Variants in CSMD1 observed in about 807,000 individuals in gnomAD.
The protein encoded by CSMD1 is CUB and sushi domain-containing protein 1.
A neutral mutation model predicts 417.5 loss-of-function variants in CSMD1; 213 were observed. The ratio of observed to expected loss-of-function variants is 0.51; its 90% CI spans 0.46 to 0.57. CSMD1 has a LOEUF of 0.57. CSMD1 is among the 20% of genes least tolerant of loss of function. The pLI, the probability that CSMD1 is intolerant of heterozygous loss-of-function variation, is 0.00. For synonymous variants in CSMD1, 2,862 were observed against 1,736.8 expected, an observed-to-expected ratio of 1.65 and a Z score of -16.11; for missense variants, 6,923 against 4,529.7, an observed-to-expected ratio of 1.53 and a Z score of -15.17.
intron 10 of CSMD1, among the ~76,000 whole-genome samples, chr8:3,544,172 A>T (rs776618624): frequency 9.9e-5 from 15 of 152,112 alleles, no homozygotes; most frequent in Non-Finnish European, 2.1e-4. Flanking sequence ...ATGTATTCCT[A>T]GCCTCTAGAG....
At chr8:4,325,458 AATCGT>A (rs1390452200) in intron 3 of CSMD1, among the ~76,000 whole-genome samples, 1 of 152,170 alleles carries the variant, frequency 6.6e-6, no homozygotes. Flanking sequence ...TTCATGTAAG[AATCGT>A]CTACTTTCAA....
At chr8:4,020,081 T>A (rs970182703) in intron 4 of CSMD1, among the ~76,000 whole-genome samples, 5 of 152,210 alleles carry the variant, frequency 3.3e-5, no homozygotes, top group African/African-American at 1.2e-4. Context: ...ACAGTAATTA[T>A]AGCAGCTGAT....
intron 3 of CSMD1, among the ~76,000 whole-genome samples, chr8:4,160,495 GT>G (rs1797090834): frequency 6.6e-6 from 1 of 152,124 alleles, no homozygotes; most frequent in Non-Finnish European, 1.5e-5. Flanking sequence ...CCGAACATCG[GT>G]TGAAAGTCAG....
intron 1 of CSMD1, among the ~76,000 whole-genome samples, chr8:4,826,593 C>A (rs185017771): frequency 3.9e-5 from 6 of 152,244 alleles, no homozygotes; most frequent in Admixed American, 2.6e-4. Flanking sequence ...CCTTAAACAA[C>A]TGATGGAAGA....
chr8:4,491,740 G>A (rs566760383), intron 2 of CSMD1, among the ~76,000 whole-genome samples: 6 of 152,130 alleles, frequency 3.9e-5, no homozygotes, highest in Non-Finnish European at 8.8e-5. Context: ...TTGAGGTTGT[G>A]GGGCAACAGG....
At position 3,201,697 on chromosome 8, in the gene CSMD1, C is replaced by T; in HGVS notation, c.5013G>A (p.Gln1671=). ...FVVFGQFAYF[Q]TALNDLAELF... ...ATTCTGCCAAATCATTCAGGGCTGT[C>T]TGGAAATAGGCAAACTGTCCAAAGA... The change falls in exon 32 of 70, where the codon CAG becomes CAA. Residue 1671 remains glutamine (Q), a synonymous_variant. Transcript: ENST00000635120. 2.5e-6 allele frequency: 4 copies of T among 1,603,106 alleles called. No individual in the cohort carries two copies. Among genetic ancestry groups the T allele is most frequent in the Non-Finnish European group, 3.4e-6 (4 of 1,174,562 alleles).
intron 3 of CSMD1, among the ~76,000 whole-genome samples, chr8:4,109,080 C>T (rs879169383): frequency 1.1e-4 from 17 of 152,120 alleles, no homozygotes; most frequent in African/African-American, 3.1e-4. Context: ...TGCATATAAC[C>T]GCATCCATTC....
At chr8:3,408,455 G>C (rs868058274) in intron 13 of CSMD1, among the ~76,000 whole-genome samples, 1 of 151,148 alleles carries the variant, frequency 6.6e-6, no homozygotes, top group Admixed American at 6.6e-5. Flanking sequence ...ACATAATCAA[G>C]CACAAGCGTG....
intron 5 of CSMD1, among the ~76,000 whole-genome samples, chr8:3,829,593 G>C (rs373597576): frequency 1.2e-4 from 19 of 152,244 alleles, no homozygotes; most frequent in African/African-American, 3.4e-4. Context: ...TTAGAATAAT[G>C]ATGGGCCCCT....
chr8:3,550,372 C>A (rs1414695783), intron 10 of CSMD1, among the ~76,000 whole-genome samples: 1 of 152,182 alleles, frequency 6.6e-6, no homozygotes, highest in Non-Finnish European at 1.5e-5. Context: ...CCGCCTGGAC[C>A]AATCTTCCTC....
chr8:3,647,022 T>C (rs1363571223), intron 7 of CSMD1, among the ~76,000 whole-genome samples: 1 of 152,208 alleles, frequency 6.6e-6, no homozygotes, highest in Non-Finnish European at 1.5e-5. Flanking sequence ...AGCAGCTCTT[T>C]CCTGCCACTT....
intron 20 of CSMD1, among the ~76,000 whole-genome samples, chr8:3,360,687 A>G (rs530139214): frequency 3.3e-4 from 51 of 152,332 alleles, no homozygotes; most frequent in African/African-American, 1.2e-3. Context: ...CGTGGGGAAG[A>G]AACGTTTAGA....
intron 32 of CSMD1, 100 bp from the exon 33 acceptor site, chr8:3,199,909 T>G (rs1796903837): frequency 6.0e-6 from 4 of 668,100 alleles, no homozygotes; most frequent in Non-Finnish European, 1.0e-5. Context: ...CACATTTATT[T>G]TTTGAACTTT....
intron 2 of CSMD1, among the ~76,000 whole-genome samples, chr8:4,564,246 C>T (rs1253414448): frequency 6.6e-6 from 1 of 152,150 alleles, no homozygotes. Flanking sequence ...GCACAATATC[C>T]TTACAGATAA....
intron 25 of CSMD1, among the ~76,000 whole-genome samples, chr8:3,286,281 A>G (rs1803149515): frequency 1.3e-5 from 2 of 152,192 alleles, no homozygotes; most frequent in African/African-American, 2.4e-5. Flanking sequence ...GTGCCGCTAT[A>G]AACATACGTG....
intron 1 of CSMD1, among the ~76,000 whole-genome samples, chr8:4,930,330 A>T (rs1167866891): frequency 6.6e-6 from 1 of 152,168 alleles, no homozygotes; most frequent in East Asian, 1.9e-4. Context: ...AATTCTGAAC[A>T]CTGTAATAAT....
chr8:4,709,317 G>GA (rs1224775860), intron 1 of CSMD1, among the ~76,000 whole-genome samples: 1 of 152,178 alleles, frequency 6.6e-6, no homozygotes, highest in Non-Finnish European at 1.5e-5. Context: ...TATGGAGGTT[G>GA]ATACCTGAGG....
At chr8:4,736,561 G>T (rs561940235) in intron 1 of CSMD1, among the ~76,000 whole-genome samples, 1 of 152,154 alleles carries the variant, frequency 6.6e-6, no homozygotes, top group South Asian at 2.1e-4. Context: ...CCCAGGGAAG[G>T]TGAACACTCA....
intron 1 of CSMD1, among the ~76,000 whole-genome samples, chr8:4,803,571 C>G (rs531718739): frequency 6.6e-6 from 1 of 152,026 alleles, no homozygotes; most frequent in Non-Finnish European, 1.5e-5. Context: ...TTTATAAAAT[C>G]GAAAGCCAGG....
Sources: gnomAD v4.1 joint callset for allele counts (sites outside exome capture counted in the v4.1 genomes callset) on GRCh38, gnomAD v4.1.1 for gene constraint, MANE v1.5 for transcripts, NCBI Gene and HGNC (gene_info 2026-07-23, HGNC 2026-07-21) for gene names.